The following RAB5A variants were observed in gnomAD, a reference collection of about 807,000 sequenced individuals.
The protein encoded by RAB5A is RAB5A, member RAS oncogene family.
A neutral mutation model predicts 25.7 loss-of-function variants in RAB5A; 8 were observed. The ratio of observed to expected loss-of-function variants is 0.31; its 90% CI spans 0.18 to 0.56. The LOEUF is 0.56. Ranked by LOEUF, RAB5A falls within the 20% of genes least tolerant of loss-of-function variation. RAB5A has a pLI of 0.91. For synonymous variants in RAB5A, 98 were observed against 89.8 expected (o/e 1.09, Z -0.52); for missense variants, 192 against 259.7 (o/e 0.74, Z 1.79).
intron 2 of RAB5A, among the ~76,000 whole-genome samples, chr3:19,961,547 T>C (rs1696585186): frequency 6.6e-6 from 1 of 152,208 alleles, no homozygotes; most frequent in South Asian, 2.1e-4. Flanking sequence ...TATAAGACGA[T>C]TATTTAAATT....
At chr3:19,975,994 C>T in intron 3 of RAB5A, 53 bp from the exon 4 acceptor site, 1 of 1,578,584 alleles carries the variant, frequency 6.3e-7, no homozygotes, top group South Asian at 1.2e-5. Flanking sequence ...CACAAAGATG[C>T]TTGGTAACCA....
intron 2 of RAB5A, among the ~76,000 whole-genome samples, chr3:19,960,187 G>A (rs1205942986): frequency 6.6e-6 from 1 of 152,172 alleles, no homozygotes; most frequent in Non-Finnish European, 1.5e-5. Context: ...GAAGTATGCT[G>A]AGTAAATTTA....
At chr3:19,949,373 G>A (rs1696388053) in intron 1 of RAB5A, among the ~76,000 whole-genome samples, 2 of 152,076 alleles carry the variant, frequency 1.3e-5, no homozygotes, top group Non-Finnish European at 1.5e-5. Flanking sequence ...TTATGGGAAA[G>A]GCATATTTCT....
chr3:19,972,975 T>G, intron 2 of RAB5A, among the ~76,000 whole-genome samples: 1 of 152,134 alleles, frequency 6.6e-6, no homozygotes, highest in East Asian at 1.9e-4. Flanking sequence ...AAAAATTAAC[T>G]TAGCTCCAAA....
chr3:19,970,549 A>C, intron 2 of RAB5A: 1 of 456,750 alleles, frequency 2.2e-6, no homozygotes, highest in Non-Finnish European at 4.4e-6. Context: ...CGTACACAGT[A>C]ACTCTCGAAG....
chr3:19,979,980 T>G (rs1392999116), intron 5 of RAB5A: 1 of 152,226 alleles, frequency 6.6e-6, no homozygotes, highest in East Asian at 1.9e-4. Flanking sequence ...CAAGTATTTT[T>G]ATTATTTTTC....
chr3:19,950,825 G>A lies in RAB5A; in HGVS notation c.-74G>A. The A allele has an allele frequency of 2.1e-6, 3 of 1,446,222 alleles. No individual in the cohort carries two copies. The highest frequency in any genetic ancestry group is 2.8e-6 in the Non-Finnish European group (3 of 1,073,028). 89.6% of individuals were successfully genotyped at this position (1,446,222 alleles called of 1,614,324 possible). On this transcript the variant is annotated 5_prime_UTR_variant, in exon 2 of 6. Coordinates refer to ENST00000273047, the MANE Select transcript of RAB5A (RefSeq NM_004162.5). ...TTACAGGTTTCTTTACCTCCAGAAA[G>A]AAGAATATTGGCCCCTTGAATTCTG...
At chr3:19,959,285 C>G (rs973912373) in intron 2 of RAB5A, among the ~76,000 whole-genome samples, 4 of 152,078 alleles carry the variant, frequency 2.6e-5, no homozygotes, top group Non-Finnish European at 5.9e-5. Context: ...GATTCTAAAA[C>G]TAGAAATCAG....
chr3:19,973,489 TAATTTTAGTTTAA>T (rs1201621480), intron 2 of RAB5A, among the ~76,000 whole-genome samples: 4 of 152,168 alleles, frequency 2.6e-5, no homozygotes, highest in Admixed American at 6.5e-5. Flanking sequence ...CTTAGGGACT[TAATTTTAGTTTAA>T]AATTTTAGTT....
In RAB5A at chr3:19,966,612, A is replaced by G. The variant is rs576287947; in HGVS notation, c.164-8989A>G. ...TCTTTAATATATTTGAGAAATCTCT[A>G]TACAGTTTTCCATACCAGCTGCAAA... is the stretch of plus-strand genomic sequence containing the variant. On this transcript the variant is annotated intron_variant, in intron 2 of 5. Coordinates refer to ENST00000273047, the MANE Select transcript of RAB5A (RefSeq NM_004162.5). Among the ~76,000 whole-genome samples, 4 of 152,208 alleles carry G rather than the reference A, an allele frequency of 2.6e-5. No homozygotes were observed. In the East Asian group the frequency reaches 7.7e-4, roughly 29 times the overall value.
intron 4 of RAB5A, 69 bp downstream of exon 4, chr3:19,976,238 T>A (rs1696823411): frequency 1.3e-6 from 2 of 1,512,432 alleles, no homozygotes; most frequent in East Asian, 4.6e-5. Flanking sequence ...TGTCAACACT[T>A]GAATTAGTTA....
intron 2 of RAB5A, 96 bp from the exon 3 acceptor site, chr3:19,975,505 T>G: frequency 8.5e-7 from 1 of 1,181,336 alleles, no homozygotes; most frequent in Non-Finnish European, 1.2e-6. Flanking sequence ...CGGGGTACAG[T>G]GTGACATTTT....
chr3:19,976,249 T>A, intron 4 of RAB5A, 80 bp downstream of exon 4: 3 of 1,462,782 alleles, frequency 2.1e-6, no homozygotes, highest in Non-Finnish European at 1.9e-6. Flanking sequence ...GAATTAGTTA[T>A]AATGTCAAAA....
chr3:19,959,868 C>G (rs1431918201), intron 2 of RAB5A, among the ~76,000 whole-genome samples: 1 of 152,128 alleles, frequency 6.6e-6, no homozygotes, highest in East Asian at 1.9e-4. Context: ...CTCAAGTGAT[C>G]TCCTGGCTTG....
At chr3:19,954,133 G>A (rs13098054) in intron 2 of RAB5A, among the ~76,000 whole-genome samples, 30,919 of 152,044 alleles carry the variant, frequency 0.2, 3,805 homozygotes, top group African/African-American at 0.34. Context: ...TCCTGCCTCA[G>A]CCTCCTGAGT....
chr3:19,948,919 ATG>A (rs1279575467), intron 1 of RAB5A, among the ~76,000 whole-genome samples: 1 of 152,226 alleles, frequency 6.6e-6, no homozygotes, highest in African/African-American at 2.4e-5. Flanking sequence ...TTCAGTATAT[ATG>A]ATGTTCTATT....
chr3:19,978,503 G>A, intron 5 of RAB5A, 100 bp downstream of exon 5: 1 of 768,508 alleles, frequency 1.3e-6, no homozygotes, highest in Non-Finnish European at 2.2e-6. Context: ...TTGGGGGTGG[G>A]TTTGTGTGTA....
At chr3:19,966,489 T>C (rs1317888130) in intron 2 of RAB5A, among the ~76,000 whole-genome samples, 1 of 152,232 alleles carries the variant, frequency 6.6e-6, no homozygotes, top group Non-Finnish European at 1.5e-5. Context: ...ATAATGTTGC[T>C]GTGAACATTG....
intron 2 of RAB5A, among the ~76,000 whole-genome samples, chr3:19,967,232 T>C: frequency 6.6e-6 from 1 of 151,482 alleles, no homozygotes; most frequent in Admixed American, 6.6e-5. Flanking sequence ...GCAACCTCCA[T>C]CTCCTGGGTA....
Sources: allele counts gnomAD v4.1 joint callset (sites outside exome capture counted in the v4.1 genomes callset), GRCh38; gene constraint gnomAD v4.1.1; transcripts MANE v1.5; gene names NCBI Gene and HGNC (gene_info 2026-07-23, HGNC 2026-07-21).